The following CAMK2D variants were observed in gnomAD, a reference collection of about 807,000 sequenced individuals.
CAMK2D encodes calcium/calmodulin dependent protein kinase II delta, also known as calcium/calmodulin-dependent protein kinase type II subunit delta.
In CAMK2D, 37 loss-of-function variants were observed where a neutral mutation model predicts 84.0. The ratio of observed to expected loss-of-function variants is 0.44; its 90% CI spans 0.34 to 0.58. The LOEUF (loss-of-function observed/expected upper bound fraction) is 0.58, where lower values mean the gene tolerates loss of function less well. Ranked by LOEUF, CAMK2D falls within the 20% of genes least tolerant of loss-of-function variation. The pLI is 0.02. For missense variants in CAMK2D, 448 were observed against 652.5 expected, an observed-to-expected ratio of 0.69 and a Z score of 3.41; for synonymous variants, 202 against 212.5, an observed-to-expected ratio of 0.95 and a Z score of 0.43.
chr4:113,613,942 A>C (rs1289779709), intron 3 of CAMK2D, among the ~76,000 whole-genome samples: 1 of 152,076 alleles, frequency 6.6e-6, no homozygotes, highest in Non-Finnish European at 1.5e-5. Flanking sequence ...AAGGGAGAAG[A>C]GGGAAAAGAG....
At chr4:113,663,388 C>T (rs573212968) in intron 2 of CAMK2D, among the ~76,000 whole-genome samples, 11 of 152,090 alleles carry the variant, frequency 7.2e-5, no homozygotes, top group African/African-American at 2.4e-4. Context: ...GAGTTCAAGA[C>T]AAGCCTGGCC....
intron 3 of CAMK2D, among the ~76,000 whole-genome samples, chr4:113,639,975 G>C (rs1033838512): frequency 5.3e-5 from 8 of 152,086 alleles, no homozygotes; most frequent in African/African-American, 1.7e-4. Context: ...GTGGGTTAGG[G>C]GGAGGGGATA....
At position 113,467,971 on chromosome 4, in the gene CAMK2D, T is replaced by C. The variant is rs142298830; in HGVS notation, c.1136-2367A>G. Reference sequence around the variant, plus strand: ...ACAGATTTTTTTTTTTGGTCTGATATACAGCTGATAGGAAAAACTACAGTT... The same window carrying C: ...ACAGATTTTTTTTTTTGGTCTGATACACAGCTGATAGGAAAAACTACAGTT... On this transcript the variant is annotated intron_variant, in intron 16 of 20. Transcript: ENST00000511664. 5.9e-3 allele frequency among the ~76,000 whole-genome samples: 895 copies of C among 151,752 alleles called. 7 individuals are homozygous for C. Among genetic ancestry groups the C allele is most frequent in the African/African-American group, 0.021 (865 of 41,366 alleles).
At chr4:113,537,271 A>C (rs1479485731) in intron 7 of CAMK2D, 70 bp downstream of exon 7, 2 of 740,322 alleles carry the variant, frequency 2.7e-6, no homozygotes, top group African/African-American at 3.6e-5. Flanking sequence ...TTCACTAGGA[A>C]GTGGGATTAG....
At chr4:113,492,856 T>C (rs1336953039) in intron 16 of CAMK2D, among the ~76,000 whole-genome samples, 1 of 134,028 alleles carries the variant, frequency 7.5e-6, no homozygotes, top group South Asian at 2.5e-4. Context: ...TTTAGGATAG[T>C]TAGCTCTTCT....
chr4:113,584,608 C>T (rs1409310347), intron 4 of CAMK2D, among the ~76,000 whole-genome samples: 3 of 152,126 alleles, frequency 2.0e-5, no homozygotes, highest in African/African-American at 4.8e-5. Flanking sequence ...AGTCAGTTCA[C>T]TTCTATTTTC....
At chr4:113,515,369 T>G (rs576047917) in intron 9 of CAMK2D, among the ~76,000 whole-genome samples, 178 bp from the exon 10 acceptor site, 1 of 152,300 alleles carries the variant, frequency 6.6e-6, no homozygotes, top group East Asian at 1.9e-4. Context: ...TCCCCCTCTA[T>G]GTAGACAACT....
At chr4:113,610,627 A>G (rs185803717) in intron 3 of CAMK2D, among the ~76,000 whole-genome samples, 2 of 152,114 alleles carry the variant, frequency 1.3e-5, no homozygotes, top group Non-Finnish European at 2.9e-5. Flanking sequence ...TTTGTAAAAT[A>G]TGAATTTTCT....
chr4:113,531,305 G>A lies in CAMK2D; in HGVS notation c.518-6C>T. On this transcript the variant is annotated splice_polypyrimidine_tract_variant and splice_region_variant and intron_variant, in intron 7 of 20. Transcript: ENST00000511664. ...TCCAGGTGTGCCAGCAAAACCTAGGGAAAAGAGATGTTAATGAGTCACAGT... is the reference window on the plus strand; with the variant it reads ...TCCAGGTGTGCCAGCAAAACCTAGGAAAAAGAGATGTTAATGAGTCACAGT... 2 of 1,485,840 alleles carry A rather than the reference G, an allele frequency of 1.3e-6. No individual in the cohort carries two copies. Among genetic ancestry groups the A allele is most frequent in the Non-Finnish European group, 1.9e-6 (2 of 1,063,396 alleles). 92.0% of individuals were successfully genotyped at this position (1,485,840 alleles called of 1,614,324 possible). A position where few individuals can be genotyped will look rare whatever the true frequency, so the allele number is the denominator to read the frequency against.
At chr4:113,688,910 C>CAAAAAAAAAAAAAAAAAAAAAAAAAAAAA (rs34196728) in intron 2 of CAMK2D, among the ~76,000 whole-genome samples, 4 of 49,718 alleles carry the variant, frequency 8.0e-5, no homozygotes, top group Non-Finnish European at 1.1e-4. Flanking sequence ...AAAGAAGATG[C>CAAAAAAAAAAAAAAAAAAAAAAAAAAAAA]AAAAAAAAAA....
chr4:113,512,747 ATT>A (rs761119404), intron 12 of CAMK2D, among the ~76,000 whole-genome samples: 8 of 151,980 alleles, frequency 5.3e-5, no homozygotes, highest in Non-Finnish European at 8.8e-5. Flanking sequence ...TAATTTTTGT[ATT>A]TTTAGTAGAG....
At chr4:113,607,817 C>T (rs2098984494) in intron 4 of CAMK2D, among the ~76,000 whole-genome samples, 1 of 151,086 alleles carries the variant, frequency 6.6e-6, no homozygotes, top group Non-Finnish European at 1.5e-5. Flanking sequence ...CATGACACTA[C>T]CCAACAGATA....
At chr4:113,552,196 AT>A in intron 4 of CAMK2D, 100 bp from the exon 5 acceptor site, 1 of 624,362 alleles carries the variant, frequency 1.6e-6, no homozygotes, top group Non-Finnish European at 2.8e-6. Flanking sequence ...TTCTTAGATG[AT>A]TTAAAAAAAA....
chr4:113,743,480 C>G (rs1308069646), intron 2 of CAMK2D, among the ~76,000 whole-genome samples: 1 of 152,172 alleles, frequency 6.6e-6, no homozygotes, highest in Non-Finnish European at 1.5e-5. Context: ...TTTCTACAGT[C>G]TCCAAAGACC....
chr4:113,621,604 A>T (rs2099046643), intron 3 of CAMK2D, among the ~76,000 whole-genome samples: 1 of 152,228 alleles, frequency 6.6e-6, no homozygotes, highest in Non-Finnish European at 1.5e-5. Context: ...TAAGATTTTT[A>T]AGAAGACAGA....
Position 113,517,541 on chromosome 4 carries a change from G to A in CAMK2D, c.696+22C>T, listed in dbSNP as rs6846654. 1.5e-3 allele frequency: 1,656 copies of A among 1,137,512 alleles called. 13 individuals carry two copies. The African/African-American group carries it at 0.021, about 14-fold the overall frequency. The allele number at this position is 1,137,512 out of a possible 1,614,324, so 70.5% of individuals were successfully genotyped here. A position where few individuals can be genotyped will look rare whatever the true frequency, so the allele number is the denominator to read the frequency against. On this transcript the variant is annotated intron_variant, in intron 9 of 20. Coordinates refer to ENST00000511664, the MANE Select transcript of CAMK2D (RefSeq NM_001321571.2). Reference sequence around the variant, plus strand: ...CAAAAGACAAACCTTCATCTAAAGTGATATAAATAGTTATTACATACATCA... The same window carrying A: ...CAAAAGACAAACCTTCATCTAAAGTAATATAAATAGTTATTACATACATCA...
At chr4:113,742,010 C>A (rs1326052604) in intron 2 of CAMK2D, among the ~76,000 whole-genome samples, 2 of 152,188 alleles carry the variant, frequency 1.3e-5, no homozygotes. Flanking sequence ...TAATTTATAG[C>A]CCTGCTATAT....
intron 16 of CAMK2D, among the ~76,000 whole-genome samples, chr4:113,499,186 T>C (rs2097992060): frequency 1.3e-5 from 2 of 152,230 alleles, no homozygotes; most frequent in Non-Finnish European, 2.9e-5. Context: ...TTATCTAATA[T>C]GACTGGTATC....
intron 2 of CAMK2D, among the ~76,000 whole-genome samples, chr4:113,664,068 C>T (rs553752861): frequency 8.0e-4 from 121 of 152,158 alleles, no homozygotes; most frequent in Non-Finnish European, 1.4e-3. Context: ...CGTGAAGAGA[C>T]GAGGATAAGA....
Sources: gnomAD v4.1 joint callset for allele counts (sites outside exome capture counted in the v4.1 genomes callset) on GRCh38, gnomAD v4.1.1 for gene constraint, MANE v1.5 for transcripts, NCBI Gene and HGNC (gene_info 2026-07-23, HGNC 2026-07-21) for gene names.